XIRP2: variants seen among roughly 807,000 people sequenced by gnomAD.
XIRP2 encodes xin actin-binding repeat-containing protein 2.
A neutral mutation model predicts 277.0 loss-of-function variants in XIRP2; 236 were observed. That is an observed-to-expected ratio of 0.85 (90% CI 0.77 to 0.95). XIRP2 has a LOEUF of 0.95. Among genes scored for constraint, XIRP2 ranks in the 40% least tolerant of loss-of-function variants. XIRP2 has a pLI of 0.00. For missense variants in XIRP2, 4,640 were observed against 4,157.5 expected (o/e 1.12, Z -3.19); for synonymous variants, 1,490 against 1,416.5 (o/e 1.05, Z -1.17).
chr2:167,259,384 G>A lies in XIRP2; in HGVS notation c.*1567G>A. 1 of 1,574,224 alleles carries A rather than the reference G, an allele frequency of 6.4e-7. No homozygotes were observed. The highest frequency in any genetic ancestry group is 8.6e-7 in the Non-Finnish European group (1 of 1,162,618). ...AGTAAAATATCTATGGCCACTGACA[G>A]TCCACACTTAGGCACTGAGAGATAT... is the stretch of plus-strand genomic sequence containing the variant. On this transcript the variant is annotated 3_prime_UTR_variant, in exon 11 of 11. Transcript: ENST00000409195.
At chr2:167,034,469 C>G (rs906851440) in intron 2 of XIRP2, among the ~76,000 whole-genome samples, 4 of 151,302 alleles carry the variant, frequency 2.6e-5, no homozygotes, top group African/African-American at 7.3e-5. Flanking sequence ...ACTAAACACT[C>G]CAATCAAAAG....
chr2:167,022,155 C>G (rs921359186), intron 2 of XIRP2, among the ~76,000 whole-genome samples: 2 of 152,006 alleles, frequency 1.3e-5, no homozygotes, highest in Non-Finnish European at 2.9e-5. Flanking sequence ...TCCTAAAACA[C>G]GTTAAGGAAG....
In XIRP2 at chr2:167,029,242, A is replaced by G. The variant is rs917483109; in HGVS notation, c.409-106667A>G. Among the ~76,000 whole-genome samples, 8 of 152,064 alleles carry G rather than the reference A, an allele frequency of 5.3e-5. No individual in the cohort carries two copies. The East Asian group carries it at 5.8e-4, about 11-fold the overall frequency. On this transcript the variant is annotated intron_variant, in intron 2 of 10. Transcript: ENST00000409195. ...TGCCCTGGCCAGAAATTCCAATACT[A>G]TGTTTAACAGGTGTGGTGAGAGAGG...
intron 2 of XIRP2, among the ~76,000 whole-genome samples, chr2:167,019,514 TG>T (rs1031083413): frequency 6.6e-6 from 1 of 152,048 alleles, no homozygotes; most frequent in Non-Finnish European, 1.5e-5. Flanking sequence ...TCAAGAATTT[TG>T]TCTTTACTAA....
intron 1 of XIRP2, among the ~76,000 whole-genome samples, chr2:166,890,697 G>GA: frequency 6.6e-6 from 1 of 152,252 alleles, no homozygotes; most frequent in East Asian, 1.9e-4. Flanking sequence ...TGATATGACA[G>GA]ATCATCAGCT....
chr2:167,126,052 G>A (rs998949927), intron 2 of XIRP2, among the ~76,000 whole-genome samples: 11 of 152,136 alleles, frequency 7.2e-5, no homozygotes, highest in African/African-American at 2.4e-4. Context: ...TTCTCAATAC[G>A]TGGTGATGGC....
In XIRP2 at chr2:167,250,499, C is replaced by A. The variant is rs187494067; in HGVS notation, c.9107C>A (p.Ser3036Tyr). The change falls in exon 9 of 11, where the codon TCC becomes TAC. Residue 3036 changes from serine to tyrosine, a missense_variant. By Grantham distance (144) the Ser-to-Tyr change is moderately radical (BLOSUM62 -2). Transcript: ENST00000409195. Reference protein sequence around the residue: ...YENIIQTAMMSSKTGKPGNKP... With the variant: ...YENIIQTAMMYSKTGKPGNKP... ...AATATAATTCAGACAGCCATGATGT[C>A]CTCCAAAACAGGAAAACCGGGAAAT... The A allele has an allele frequency of 1.7e-5, 28 of 1,613,408 alleles. No individual in the cohort carries two copies. The highest frequency in any genetic ancestry group is 2.4e-5 in the Non-Finnish European group (28 of 1,179,694).
At chr2:167,205,320 A>G (rs112110985) in intron 3 of XIRP2, among the ~76,000 whole-genome samples, 8 of 152,300 alleles carry the variant, frequency 5.3e-5, no homozygotes, top group African/African-American at 1.9e-4. Context: ...GAATATAAAT[A>G]AACCTTATCA....
chr2:167,240,582 G>C, intron 6 of XIRP2, 82 bp from the exon 7 acceptor site: 1 of 1,226,612 alleles, frequency 8.2e-7, no homozygotes, highest in Non-Finnish European at 1.2e-6. Flanking sequence ...GAAAATCACT[G>C]TAAAATGAAG....
intron 2 of XIRP2, among the ~76,000 whole-genome samples, chr2:167,134,673 C>G (rs1334539310): frequency 6.6e-6 from 1 of 152,048 alleles, no homozygotes; most frequent in African/African-American, 2.4e-5. Flanking sequence ...CTGTCTTTTC[C>G]TAAATATATG....
Position 166,995,314 on chromosome 2 carries a change from T to TC in XIRP2, c.408+91425dup, listed in dbSNP as rs1687188600. Among the ~76,000 whole-genome samples the TC allele has an allele frequency of 2.6e-5, 4 of 152,224 alleles. No individual in the cohort carries two copies. The South Asian group carries it at 8.3e-4, about 32-fold the overall frequency. ...CGTGGCTGAGCCCTACTGAATTTCATCTTTAAGGCAAAAACGTTAGTGACC... is the reference window on the plus strand; with the variant it reads ...CGTGGCTGAGCCCTACTGAATTTCATCCTTTAAGGCAAAAACGTTAGTGACC... On this transcript the variant is annotated intron_variant, in intron 2 of 10. Transcript: ENST00000409195.
intron 2 of XIRP2, among the ~76,000 whole-genome samples, chr2:167,134,870 G>A (rs1481083083): frequency 4.6e-5 from 7 of 152,106 alleles, no homozygotes; most frequent in Admixed American, 3.3e-4. Context: ...AGTGAATCAC[G>A]GTGGGTAGTA....
chr2:167,218,787 A>G (rs1057205939), intron 5 of XIRP2, among the ~76,000 whole-genome samples: 1 of 152,194 alleles, frequency 6.6e-6, no homozygotes, highest in Non-Finnish European at 1.5e-5. Flanking sequence ...ATAAAACCAC[A>G]TAATATGACC....
intron 2 of XIRP2, among the ~76,000 whole-genome samples, chr2:166,985,670 C>A (rs1686985423): frequency 1.3e-5 from 2 of 151,998 alleles, no homozygotes; most frequent in African/African-American, 4.8e-5. Flanking sequence ...GACTTGTGAT[C>A]CGCCCACCTC....
At chr2:166,970,757 T>C (rs546373625) in intron 2 of XIRP2, among the ~76,000 whole-genome samples, 1 of 151,964 alleles carries the variant, frequency 6.6e-6, no homozygotes, top group Non-Finnish European at 1.5e-5. Flanking sequence ...TTTATAGTGA[T>C]TCACATAAAA....
chr2:167,144,483 T>A (rs1028543610), intron 3 of XIRP2, among the ~76,000 whole-genome samples: 5 of 151,974 alleles, frequency 3.3e-5, no homozygotes, highest in African/African-American at 1.2e-4. Flanking sequence ...TTTTTGAAGA[T>A]CATCTTTAAA....
intron 2 of XIRP2, among the ~76,000 whole-genome samples, chr2:167,016,736 T>C (rs1018336902): frequency 1.3e-5 from 2 of 151,898 alleles, no homozygotes. Flanking sequence ...TACTCAGATT[T>C]GAACCCAGAG....
intron 2 of XIRP2, among the ~76,000 whole-genome samples, chr2:167,108,361 C>T (rs1690662800): frequency 1.3e-5 from 2 of 151,862 alleles, no homozygotes; most frequent in Non-Finnish European, 2.9e-5. Flanking sequence ...TTATTACAGT[C>T]CTTCCATTTG....
At chr2:167,169,301 T>C (rs546622238) in intron 3 of XIRP2, among the ~76,000 whole-genome samples, 15 of 152,324 alleles carry the variant, frequency 9.8e-5, no homozygotes, top group Middle Eastern at 6.8e-3. Flanking sequence ...GTAGTGCTCC[T>C]GAAGGCAAAA....
Sources: gnomAD v4.1 joint callset for allele counts (sites outside exome capture counted in the v4.1 genomes callset) on GRCh38, gnomAD v4.1.1 for gene constraint, MANE v1.5 for transcripts, NCBI Gene and HGNC (gene_info 2026-07-23, HGNC 2026-07-21) for gene names.